SELPLG: variants seen among roughly 807,000 people sequenced by gnomAD.
The protein encoded by SELPLG is P-selectin glycoprotein ligand 1.
SELPLG carries 2 observed loss-of-function variants against 1.1 expected under a neutral mutation model. That is an observed-to-expected ratio of 1.82 (90% CI 0.74 to 5.71). The LOEUF is 5.71. Among genes scored for constraint, SELPLG ranks in the 30% most tolerant of loss-of-function variants. The pLI is 0.05. For synonymous variants in SELPLG, 230 were observed against 221.2 expected (o/e 1.04, Z -0.35); for missense variants, 478 against 524.7 (o/e 0.91, Z 0.87).
At chr12:108,631,024 A>G (rs1003085482) in intron 1 of SELPLG, among the ~76,000 whole-genome samples, 2 of 152,032 alleles carry the variant, frequency 1.3e-5, no homozygotes, top group African/African-American at 2.4e-5. Context: ...GGAGGGCAGG[A>G]GCTCTCCTGG....
chr12:108,632,501 A>C (rs974792438), intron 1 of SELPLG, among the ~76,000 whole-genome samples: 1 of 151,570 alleles, frequency 6.6e-6, no homozygotes, highest in African/African-American at 2.4e-5. Flanking sequence ...TCAAATACAA[A>C]CTAATAAGAG....
rs771235385 is a variant in SELPLG at position 108,624,090 on chromosome 12, G to C, written c.218C>G (p.Thr73Ser). 8 of 1,614,248 alleles carry C rather than the reference G, an allele frequency of 5.0e-6. No individual in the cohort carries two copies. The highest frequency in any genetic ancestry group is 6.8e-6 in the Non-Finnish European group (8 of 1,180,036). ...LRNSTDTTPL[T>S]GPGTPESTTV... ...GGTAGACTCAGGGGTTCCAGGCCCA[G>C]TCAGAGGAGTGGTGTCAGTGCTGTT... Residue 73 changes from threonine to serine, a missense_variant, in exon 2 of 2, where the codon ACT (threonine) becomes AGT (serine). Physicochemically the swap from Thr to Ser is moderately conservative, Grantham distance 58. Transcript: ENST00000550948.
chr12:108,622,867 A>C lies in SELPLG; in HGVS notation c.*202T>G. 1 of 507,492 alleles carries C rather than the reference A, an allele frequency of 2.0e-6. No homozygotes were observed. The highest frequency in any genetic ancestry group is 3.0e-5 in the East Asian group (1 of 32,820). The allele number at this position is 507,492 out of a possible 1,614,324, so 31.4% of individuals were successfully genotyped here. A position where few individuals can be genotyped will look rare whatever the true frequency, so the allele number is the denominator to read the frequency against. On this transcript the variant is annotated 3_prime_UTR_variant, in exon 2 of 2. Coordinates refer to ENST00000550948, the MANE Select transcript of SELPLG (RefSeq NM_003006.4). The stretch of plus-strand genomic sequence containing the variant: ...GCTGGGCTTCATCCGCGGAGGGAGG[A>C]AAGAGGTGGCTCCACTTGCCCGTCT...
At chr12:108,626,399 T>C (rs2136764428) in intron 1 of SELPLG, among the ~76,000 whole-genome samples, 1 of 151,554 alleles carries the variant, frequency 6.6e-6, no homozygotes, top group African/African-American at 2.4e-5. Flanking sequence ...CCTCCCAAAG[T>C]GCTGGGATTA....
At chr12:108,625,524 C>G (rs1256694243) in intron 1 of SELPLG, among the ~76,000 whole-genome samples, 2 of 152,200 alleles carry the variant, frequency 1.3e-5, no homozygotes, top group African/African-American at 4.8e-5. Flanking sequence ...TTCAAGGGCC[C>G]AGGGCTACTT....
At chr12:108,625,836 A>T (rs749081138) in intron 1 of SELPLG, among the ~76,000 whole-genome samples, 72 of 152,276 alleles carry the variant, frequency 4.7e-4, no homozygotes, top group Non-Finnish European at 9.4e-4. Context: ...TCCTATGGTG[A>T]GTGACAGCCA....
intron 1 of SELPLG, among the ~76,000 whole-genome samples, chr12:108,630,935 C>G (rs1460358680): frequency 6.6e-6 from 1 of 152,222 alleles, no homozygotes; most frequent in South Asian, 2.1e-4. Flanking sequence ...CAGGCACACA[C>G]CCCTCGCAAC....
chr12:108,623,129 C>T lies in SELPLG; in HGVS notation c.1179G>A (p.Thr393=), dbSNP rs372210132. 1.1e-5 allele frequency: 18 copies of T among 1,590,426 alleles called. No homozygotes were observed. The Admixed American group carries it at 1.3e-4, about 11-fold the overall frequency. Residue 393 remains threonine (T), a synonymous_variant, in exon 2 of 2, where the codon ACG becomes ACA. Coordinates refer to ENST00000550948, the MANE Select transcript of SELPLG (RefSeq NM_003006.4). ...CCTCACGGTCCTCCCTGGGCTCTGG[C>T]GTCAGGCCCGGGCTCTTGGCCTTGG... ...GLSKAKSPGL[T]PEPREDREGD...
chr12:108,628,253 A>G (rs902845302), intron 1 of SELPLG, among the ~76,000 whole-genome samples: 1 of 151,144 alleles, frequency 6.6e-6, no homozygotes, highest in Non-Finnish European at 1.5e-5. Flanking sequence ...ACAGAGTGAG[A>G]CCCTGTCTCA....
At chr12:108,625,455 A>G (rs2031920809) in intron 1 of SELPLG, among the ~76,000 whole-genome samples, 1 of 152,228 alleles carries the variant, frequency 6.6e-6, no homozygotes, top group Non-Finnish European at 1.5e-5. Context: ...CGTTTGCATG[A>G]CAACCTCTCC....
chr12:108,623,896 G>T lies in SELPLG; in HGVS notation c.412C>A (p.Pro138Thr), dbSNP rs540144714. The change falls in exon 2 of 2, where the codon CCC becomes ACC. Residue 138 changes from proline (P) to threonine (T), a missense_variant. Physicochemically the swap from Pro to Thr is conservative, Grantham distance 38. Coordinates refer to ENST00000550948, the MANE Select transcript of SELPLG (RefSeq NM_003006.4). Reference protein sequence around the residue: ...ATEAQTTQPVPTEAQTTPLAA... With the variant: ...ATEAQTTQPVTTEAQTTPLAA... ...AGTGGAGTGGTCTGTGCCTCCGTGGGCACTGGTTGAGTGGTCTGTGCCTCC... is the reference window on the plus strand; with the variant it reads ...AGTGGAGTGGTCTGTGCCTCCGTGGTCACTGGTTGAGTGGTCTGTGCCTCC... 1.9e-6 allele frequency: 2 copies of T among 1,057,808 alleles called. No individual in the cohort carries two copies. The highest frequency in any genetic ancestry group is 2.2e-5 in the Admixed American group (1 of 46,314). 65.5% of individuals were successfully genotyped at this position (1,057,808 alleles called of 1,614,324 possible). A position where few individuals can be genotyped will look rare whatever the true frequency, so the allele number is the denominator to read the frequency against.
intron 1 of SELPLG, among the ~76,000 whole-genome samples, chr12:108,632,619 A>G (rs1025374607): frequency 6.6e-6 from 1 of 151,638 alleles, no homozygotes; most frequent in African/African-American, 2.4e-5. Context: ...GGTTCAAGTG[A>G]TCCTCCCACC....
chr12:108,624,282 A>C lies in SELPLG; in HGVS notation c.26T>G (p.Leu9Arg). 6.2e-7 allele frequency: 1 copy of C among 1,614,044 alleles called. No individual in the cohort carries two copies. Among genetic ancestry groups the C allele is most frequent in the East Asian group, 2.2e-5 (1 of 44,884 alleles). Residue 9 changes from leucine (L) to arginine (R), a missense_variant, in exon 2 of 2, where the codon CTG becomes CGG. By Grantham distance (102) the Leu-to-Arg change is moderately radical (BLOSUM62 -2). Coordinates refer to ENST00000550948, the MANE Select transcript of SELPLG (RefSeq NM_003006.4). MPLQLLLLLILLGPGNSLQ... is the reference protein window; with the variant it reads MPLQLLLLRILLGPGNSLQ... Reference sequence around the variant, plus strand: ...GCTGTTGCCAGGGCCCAGTAGGATCAGCAACAGGAGGAGTTGCAGAGGCAT... The same window carrying C: ...GCTGTTGCCAGGGCCCAGTAGGATCCGCAACAGGAGGAGTTGCAGAGGCAT...
intron 1 of SELPLG, among the ~76,000 whole-genome samples, chr12:108,628,140 A>G (rs1330817903): frequency 1.3e-5 from 2 of 152,014 alleles, no homozygotes; most frequent in African/African-American, 4.8e-5. Context: ...ATGCACACCT[A>G]TCGTCTCAGC....
intron 1 of SELPLG, among the ~76,000 whole-genome samples, chr12:108,629,084 G>A (rs1254189840): frequency 6.6e-6 from 1 of 152,202 alleles, no homozygotes; most frequent in East Asian, 1.9e-4. Flanking sequence ...CAGACTCAGA[G>A]GGTATGGAGA....
chr12:108,633,480 G>A (rs187793230), intron 1 of SELPLG, among the ~76,000 whole-genome samples: 33 of 152,274 alleles, frequency 2.2e-4, no homozygotes, highest in African/African-American at 7.0e-4. Flanking sequence ...CAGCCTGGGT[G>A]ACAGAGTAAG....
intron 1 of SELPLG, among the ~76,000 whole-genome samples, chr12:108,627,979 C>T (rs527350437): frequency 2.6e-4 from 39 of 152,072 alleles, no homozygotes; most frequent in African/African-American, 9.4e-4. Context: ...ACTCAGGAGG[C>T]GGAGATGGGA....
Position 108,624,242 on chromosome 12 carries a change from G to A in SELPLG, c.66C>T (p.Asp22=), listed in dbSNP as rs569259383. ...CTTTCTCGGCTTCATCTGCCCAGGT[G>A]TCCCACAGCTGCAAGCTGTTGCCAG... ...LGPGNSLQLW[D]TWADEAEKAL... is the part of the protein sequence containing the mutation. The change falls in exon 2 of 2, where the codon GAC becomes GAT. Residue 22 remains aspartate, a synonymous_variant. Transcript: ENST00000550948. 1.9e-6 allele frequency: 3 copies of A among 1,614,230 alleles called. No individual in the cohort carries two copies. Among genetic ancestry groups the A allele is most frequent in the South Asian group, 2.2e-5 (2 of 91,088 alleles).
At chr12:108,628,452 C>T (rs1443311228) in intron 1 of SELPLG, among the ~76,000 whole-genome samples, 1 of 152,126 alleles carries the variant, frequency 6.6e-6, no homozygotes, top group Non-Finnish European at 1.5e-5. Context: ...CCAACCTTGG[C>T]CCCACTTTCC....
Sources: allele counts gnomAD v4.1 joint callset (sites outside exome capture counted in the v4.1 genomes callset), GRCh38; gene constraint gnomAD v4.1.1; transcripts MANE v1.5; gene names NCBI Gene and HGNC (gene_info 2026-07-23, HGNC 2026-07-21).